Variants in ACER3 observed in about 807,000 individuals in gnomAD.
ACER3 encodes the protein alkCDase 3.
ACER3 carries 16 observed loss-of-function variants against 48.9 expected under a neutral mutation model. The observed-to-expected ratio is 0.33, with a 90% CI of 0.22 to 0.50. The LOEUF (loss-of-function observed/expected upper bound fraction) is 0.50, where lower values mean the gene tolerates loss of function less well. Among genes scored for constraint, ACER3 ranks in the 20% least tolerant of loss-of-function variants. The probability of loss-of-function intolerance (pLI) is 0.98; values close to 1 mark genes in which losing one functional copy is unlikely to be tolerated. For missense variants in ACER3, 227 were observed against 326.0 expected (o/e 0.70, Z 2.34); for synonymous variants, 109 against 107.8 (o/e 1.01, Z -0.07).
intron 2 of ACER3, among the ~76,000 whole-genome samples, chr11:76,947,164 G>C (rs892103241): frequency 1.3e-5 from 2 of 152,176 alleles, no homozygotes; most frequent in Non-Finnish European, 2.9e-5. Context: ...CACTACCTGT[G>C]TCTTGTCAGT....
intron 1 of ACER3, among the ~76,000 whole-genome samples, chr11:76,902,791 A>C (rs1946115065): frequency 6.6e-6 from 1 of 152,234 alleles, no homozygotes; most frequent in African/African-American, 2.4e-5. Flanking sequence ...AGTATCACAT[A>C]GTGTTTTAAG....
At chr11:76,941,457 A>G (rs1049109560) in intron 2 of ACER3, among the ~76,000 whole-genome samples, 4 of 152,074 alleles carry the variant, frequency 2.6e-5, no homozygotes, top group African/African-American at 9.6e-5. Context: ...GGGAGACAGA[A>G]ATTAATTAGA....
At chr11:76,887,758 C>T (rs940997186) in intron 1 of ACER3, among the ~76,000 whole-genome samples, 5 of 151,016 alleles carry the variant, frequency 3.3e-5, no homozygotes, top group Admixed American at 3.3e-4. Flanking sequence ...TAGACATTAC[C>T]ATAACTAATT....
At chr11:76,942,751 G>C (rs1359531050) in intron 2 of ACER3, among the ~76,000 whole-genome samples, 1 of 151,886 alleles carries the variant, frequency 6.6e-6, no homozygotes, top group Admixed American at 6.6e-5. Context: ...AGTTTCAGGA[G>C]TATTGGTATT....
chr11:77,018,339 G>A (rs952773556), intron 9 of ACER3, among the ~76,000 whole-genome samples: 1 of 152,176 alleles, frequency 6.6e-6, no homozygotes, highest in Non-Finnish European at 1.5e-5. Flanking sequence ...TGTTTTGACT[G>A]CTCCACCAAT....
At chr11:76,972,447 T>C (rs1437959011) in intron 3 of ACER3, among the ~76,000 whole-genome samples, 1 of 152,246 alleles carries the variant, frequency 6.6e-6, no homozygotes, top group Non-Finnish European at 1.5e-5. Flanking sequence ...TAGTTGTATT[T>C]TTCTTATTGA....
intron 7 of ACER3, among the ~76,000 whole-genome samples, chr11:77,006,497 T>C (rs1447570869): frequency 1.1e-4 from 16 of 152,136 alleles, no homozygotes; most frequent in Non-Finnish European, 2.1e-4. Context: ...AGAACTTCCT[T>C]TAGCCATTTT....
chr11:76,994,106 T>C, intron 6 of ACER3: 2 of 443,184 alleles, frequency 4.5e-6, no homozygotes, highest in South Asian at 1.6e-5. Flanking sequence ...ACATTTATTT[T>C]ATTCAACTAT....
chr11:76,967,905 C>T (rs1251036594), intron 3 of ACER3, among the ~76,000 whole-genome samples: 1 of 152,092 alleles, frequency 6.6e-6, no homozygotes, highest in African/African-American at 2.4e-5. Context: ...CCTCTCTCAC[C>T]ACTCCTATTC....
chr11:76,870,355 A>G (rs1945211963), intron 1 of ACER3, among the ~76,000 whole-genome samples: 1 of 151,902 alleles, frequency 6.6e-6, no homozygotes, highest in Non-Finnish European at 1.5e-5. Context: ...GCTGGTCTCA[A>G]ACTCCTGGGC....
chr11:76,944,810 G>A (rs554697444), intron 2 of ACER3, among the ~76,000 whole-genome samples: 3 of 152,060 alleles, frequency 2.0e-5, no homozygotes, highest in South Asian at 2.1e-4. Context: ...TGAACTTTTT[G>A]ATCTCTCTTC....
At chr11:76,927,629 G>A (rs539709152) in intron 2 of ACER3, among the ~76,000 whole-genome samples, 1 of 151,784 alleles carries the variant, frequency 6.6e-6, no homozygotes, top group East Asian at 1.9e-4. Flanking sequence ...CCCACAACAG[G>A]CCCTGGTGGG....
At chr11:76,878,274 A>C (rs1945435059) in intron 1 of ACER3, among the ~76,000 whole-genome samples, 1 of 152,116 alleles carries the variant, frequency 6.6e-6, no homozygotes, top group African/African-American at 2.4e-5. Flanking sequence ...TTTTGCCATT[A>C]CTTTCAATGG....
chr11:77,016,461 G>A (rs1292600347), intron 8 of ACER3, among the ~76,000 whole-genome samples: 2 of 152,154 alleles, frequency 1.3e-5, no homozygotes, highest in Non-Finnish European at 2.9e-5. Context: ...AAGTGGCTGA[G>A]GGTTTAGATG....
At chr11:76,945,734 A>G (rs1426038873) in intron 2 of ACER3, among the ~76,000 whole-genome samples, 3 of 152,160 alleles carry the variant, frequency 2.0e-5, no homozygotes, top group Non-Finnish European at 4.4e-5. Flanking sequence ...GCTTCCAGGT[A>G]TGTGGGCAGG....
intron 3 of ACER3, among the ~76,000 whole-genome samples, chr11:76,971,263 C>T (rs933636163): frequency 3.9e-5 from 6 of 152,060 alleles, no homozygotes; most frequent in Admixed American, 6.5e-5. Context: ...ACTAATAGGC[C>T]GAGCGCAGTG....
chr11:76,969,606 T>C (rs1444121637), intron 3 of ACER3, among the ~76,000 whole-genome samples: 1 of 151,882 alleles, frequency 6.6e-6, no homozygotes, highest in Non-Finnish European at 1.5e-5. Context: ...CATGGAATAC[T>C]ATGCAGCCAT....
intron 1 of ACER3, among the ~76,000 whole-genome samples, chr11:76,906,788 T>C (rs545551171): frequency 1.1e-3 from 169 of 152,322 alleles, no homozygotes; most frequent in Non-Finnish European, 2.1e-3. Context: ...CTTGAACTCC[T>C]GAGCTCAAGC....
chr11:76,874,885 A>G (rs760393451), intron 1 of ACER3, among the ~76,000 whole-genome samples: 1 of 151,930 alleles, frequency 6.6e-6, no homozygotes, highest in Admixed American at 6.6e-5. Context: ...GGGAGGTTCA[A>G]TTAGATTATC....
Sources: gnomAD v4.1 joint callset for allele counts (sites outside exome capture counted in the v4.1 genomes callset) on GRCh38, gnomAD v4.1.1 for gene constraint, MANE v1.5 for transcripts, NCBI Gene and HGNC (gene_info 2026-07-23, HGNC 2026-07-21) for gene names.